Variants in PI4KA observed in about 807,000 individuals in gnomAD.
PI4KA encodes phosphatidylinositol 4-kinase alpha.
In PI4KA, 122 loss-of-function variants were observed where a neutral mutation model predicts 271.4. The observed-to-expected ratio is 0.45, with a 90% CI of 0.39 to 0.52. PI4KA has a LOEUF of 0.52. PI4KA is among the 20% of genes least tolerant of loss of function. PI4KA has a pLI of 0.00. For synonymous variants in PI4KA, 1,041 were observed against 1,078.8 expected (o/e 0.96, Z 0.69); for missense variants, 1,969 against 2,769.1 (o/e 0.71, Z 6.48).
At chr22:20,819,941 C>A (rs765177693) in intron 5 of PI4KA, 41 bp from the exon 6 acceptor site, 1 of 1,546,154 alleles carries the variant, frequency 6.5e-7, no homozygotes, top group South Asian at 1.1e-5. Flanking sequence ...AAGAAAGTAT[C>A]CTGATAGAGT....
intron 3 of PI4KA, among the ~76,000 whole-genome samples, chr22:20,830,249 A>T (rs1490534072): frequency 6.6e-6 from 1 of 152,210 alleles, no homozygotes; most frequent in Non-Finnish European, 1.5e-5. Flanking sequence ...GAAGTGTCCC[A>T]GTTATTATGT....
intron 52 of PI4KA, 48 bp from the exon 53 acceptor site, chr22:20,710,045 T>G: frequency 8.8e-7 from 1 of 1,140,788 alleles, no homozygotes; most frequent in Non-Finnish European, 1.3e-6. Flanking sequence ...GCCTAGGTGG[T>G]GGCCCTGCCT....
At chr22:20,831,608 CAAAAACAA>C (rs1924184591) in intron 3 of PI4KA, among the ~76,000 whole-genome samples, 1 of 40,572 alleles carries the variant, frequency 2.5e-5, no homozygotes, top group Non-Finnish European at 5.0e-5. Flanking sequence ...AAAACAAAAA[CAAAAACAA>C]AACAAAACAA....
At chr22:20,826,425 C>A (rs1000156785) in intron 3 of PI4KA, among the ~76,000 whole-genome samples, 4 of 152,110 alleles carry the variant, frequency 2.6e-5, no homozygotes, top group Admixed American at 1.3e-4. Flanking sequence ...GGTACACATA[C>A]GACATTTTCT....
At chr22:20,829,620 T>C (rs548801889) in intron 3 of PI4KA, among the ~76,000 whole-genome samples, 10 of 152,160 alleles carry the variant, frequency 6.6e-5, no homozygotes, top group East Asian at 1.9e-4. Flanking sequence ...CCTGGATTTG[T>C]TGATCTTCTG....
chr22:20,712,214 T>C lies in PI4KA; in HGVS notation c.5802+272A>G, dbSNP rs6004026. The stretch of plus-strand genomic sequence containing the variant: ...CTGGGACTGCAGGCGCGTGCCACTA[T>C]GCCCAGCTAATTTTTGTATTTTTAG... On this transcript the variant is annotated intron_variant, in intron 50 of 54. Transcript: ENST00000255882. The C allele has an allele frequency of 0.45, 93,572 of 207,070 alleles. 21,665 individuals carry two copies. The highest frequency in any genetic ancestry group is 0.58 in the East Asian group (3,091 of 5,306). The allele number at this position is 207,070 out of a possible 1,614,324, so 12.8% of individuals were successfully genotyped here.
At chr22:20,800,828 C>T (rs1375023950) in intron 14 of PI4KA, among the ~76,000 whole-genome samples, 5 of 146,660 alleles carry the variant, frequency 3.4e-5, no homozygotes, top group East Asian at 2.1e-4. Flanking sequence ...GAGCTGAGAT[C>T]GCGCCACTGC....
intron 17 of PI4KA, 99 bp downstream of exon 17, chr22:20,798,485 G>C: frequency 2.4e-6 from 2 of 831,326 alleles, no homozygotes; most frequent in Non-Finnish European, 4.2e-6. Context: ...TAGTTTTCTT[G>C]CAAGAAGAGT....
At chr22:20,783,444 A>T (rs1451419020) in intron 19 of PI4KA, among the ~76,000 whole-genome samples, 2 of 151,730 alleles carry the variant, frequency 1.3e-5, no homozygotes, top group East Asian at 3.9e-4. Flanking sequence ...TTAAAAAAAA[A>T]AAAAAAAAGA....
At chr22:20,726,062 A>T (rs1355974934) in intron 42 of PI4KA, among the ~76,000 whole-genome samples, 1 of 152,226 alleles carries the variant, frequency 6.6e-6, no homozygotes, top group Admixed American at 6.5e-5. Flanking sequence ...GAATGAGAAT[A>T]GACATTTCTG....
Position 20,858,720 on chromosome 22 carries a change from C to G in PI4KA, c.6G>C (p.Ala2=). ...CTCCGCCTCCCCGGGCCGGGGCCGC[C>G]GCCATCACCTCACGAGCCGCGGCGC... M[A]AAPARGGGGG... is the part of the protein sequence containing the mutation. Residue 2 remains alanine (A), a synonymous_variant, in exon 1 of 55, where the codon GCG becomes GCC. Transcript: ENST00000255882. 6.9e-7 allele frequency: 1 copy of G among 1,439,308 alleles called. No individual in the cohort carries two copies. The highest frequency in any genetic ancestry group is 1.5e-5 in the African/African-American group (1 of 66,650). The allele number at this position is 1,439,308 out of a possible 1,614,324, so 89.2% of individuals were successfully genotyped here.
chr22:20,799,294 GA>G lies in PI4KA; in HGVS notation c.1821-19del, dbSNP rs1206315268. ...GAGCGTCCCTACAGAAGGAAGAACA[GA>G]AGCGCCCTAGCAACAGTCCCTCCAG... On this transcript the variant is annotated intron_variant, in intron 15 of 54. Coordinates refer to ENST00000255882, the MANE Select transcript of PI4KA (RefSeq NM_058004.4). 2.0e-6 allele frequency: 3 copies of G among 1,510,072 alleles called. No individual in the cohort carries two copies. Among genetic ancestry groups the G allele is most frequent in the Non-Finnish European group, 1.8e-6 (2 of 1,133,156 alleles). 93.5% of individuals were successfully genotyped at this position (1,510,072 alleles called of 1,614,324 possible).
intron 10 of PI4KA, among the ~76,000 whole-genome samples, chr22:20,807,157 C>T (rs913442285): frequency 1.3e-5 from 2 of 152,202 alleles, no homozygotes; most frequent in Non-Finnish European, 1.5e-5. Flanking sequence ...GAGCCATCAT[C>T]GATGGTACCG....
chr22:20,817,017 T>C (rs1267813142), intron 7 of PI4KA, among the ~76,000 whole-genome samples: 2 of 152,194 alleles, frequency 1.3e-5, no homozygotes, highest in Non-Finnish European at 2.9e-5. Context: ...CCTGGAGGAA[T>C]ACATTCTATA....
chr22:20,819,905 A>G lies in PI4KA; in HGVS notation c.530-5T>C, dbSNP rs1257073602. On this transcript the variant is annotated splice_polypyrimidine_tract_variant and splice_region_variant and intron_variant, in intron 5 of 54. Transcript: ENST00000255882. ...TAGCATACTTGCAAAGGTATTCTAG[A>G]AGATCAAGTGAAAACGTTACAATAT... is the stretch of plus-strand genomic sequence containing the variant. 10 of 1,611,838 alleles carry G rather than the reference A, an allele frequency of 6.2e-6. No individual in the cohort carries two copies. Among genetic ancestry groups the G allele is most frequent in the Non-Finnish European group, 7.6e-6 (9 of 1,178,198 alleles).
intron 7 of PI4KA, among the ~76,000 whole-genome samples, chr22:20,815,392 A>C (rs538011132): frequency 0.067 from 10,156 of 151,196 alleles, 368 homozygotes; most frequent in East Asian, 0.077. Flanking sequence ...AAAAAAAAAA[A>C]AAAAAAAACA....
intron 42 of PI4KA, among the ~76,000 whole-genome samples, chr22:20,723,051 CAG>C (rs1260764972): frequency 1.3e-5 from 2 of 149,558 alleles, no homozygotes; most frequent in African/African-American, 2.5e-5. Context: ...TTTTTTGAGA[CAG>C]AGTCTCGCTC....
chr22:20,852,065 A>G (rs1368014290), intron 1 of PI4KA, among the ~76,000 whole-genome samples: 1 of 152,198 alleles, frequency 6.6e-6, no homozygotes, highest in Non-Finnish European at 1.5e-5. Context: ...CAGAGCTTGC[A>G]GTGAGCAGAG....
At chr22:20,786,250 A>G in intron 19 of PI4KA, 1 of 1,315,956 alleles carries the variant, frequency 7.6e-7, no homozygotes, top group Non-Finnish European at 1.1e-6. Flanking sequence ...CTCATGTCCC[A>G]GCTTGGGGTG....
Sources: gnomAD v4.1 joint callset for allele counts (sites outside exome capture counted in the v4.1 genomes callset) on GRCh38, gnomAD v4.1.1 for gene constraint, MANE v1.5 for transcripts, NCBI Gene and HGNC (gene_info 2026-07-23, HGNC 2026-07-21) for gene names.